The following PRPF4 variants were observed in gnomAD, a reference collection of about 807,000 sequenced individuals.
PRPF4 encodes U4/U6 small nuclear ribonucleoprotein Prp4.
PRPF4 carries 14 observed loss-of-function variants against 72.2 expected under a neutral mutation model. That is an observed-to-expected ratio of 0.19 (90% CI 0.13 to 0.30). PRPF4 has a LOEUF of 0.30. Among genes scored for constraint, PRPF4 ranks in the 10% least tolerant of loss-of-function variants. The pLI, the probability that PRPF4 is intolerant of heterozygous loss-of-function variation, is 1.00. For synonymous variants in PRPF4, 225 were observed against 232.2 expected (o/e 0.97, Z 0.28); for missense variants, 478 against 653.9 (o/e 0.73, Z 2.93).
At position 113,291,007 on chromosome 9, in the gene PRPF4, A is replaced by G; in HGVS notation, c.1363A>G (p.Lys455Glu). 6.2e-7 allele frequency: 1 copy of G among 1,612,900 alleles called. No individual in the cohort carries two copies. Among genetic ancestry groups the G allele is most frequent in the Non-Finnish European group, 8.5e-7 (1 of 1,178,852 alleles). The change falls in exon 13 of 14, where the codon AAG becomes GAG. Residue 455 changes from lysine (K) to glutamate (E), a missense_variant. Coordinates refer to ENST00000374198, the MANE Select transcript of PRPF4 (RefSeq NM_001244926.2). ...TCATCAGAACTTAGTGACTGGTGTC[A>G]AGTTTGAGCGTAAGCTTTCCTCCTA... is the stretch of plus-strand genomic sequence containing the variant. ...PAHQNLVTGV[K>E]FEPIHGNFLL...
chr9:113,284,498 C>T (rs928719064), intron 7 of PRPF4, 109 bp downstream of exon 7: 1 of 885,600 alleles, frequency 1.1e-6, no homozygotes, highest in African/African-American at 1.7e-5. Flanking sequence ...CTCTGCTTCT[C>T]ATGATCACAC....
At chr9:113,277,719 G>A (rs1350483432) in intron 2 of PRPF4, among the ~76,000 whole-genome samples, 1 of 151,756 alleles carries the variant, frequency 6.6e-6, no homozygotes, top group Non-Finnish European at 1.5e-5. Context: ...AGTAATAGTG[G>A]CCAAGCCTGG....
intron 10 of PRPF4, among the ~76,000 whole-genome samples, chr9:113,290,168 C>A (rs1053723373): frequency 1.3e-5 from 2 of 151,318 alleles, no homozygotes; most frequent in African/African-American, 4.9e-5. Flanking sequence ...TGCAGTGAGC[C>A]AAGATTGCGC....
intron 3 of PRPF4, among the ~76,000 whole-genome samples, chr9:113,281,556 A>G (rs1051978435): frequency 1.3e-5 from 2 of 152,262 alleles, no homozygotes; most frequent in South Asian, 4.1e-4. Context: ...TGAGCGTGGC[A>G]TTAGCAATTC....
rs764111959 is a variant in PRPF4 at position 113,276,677 on chromosome 9, G to A, written c.157G>A (p.Asp53Asn). ...AGGAGAGTCTGGGATTTTGGGGAAA[G>A]ACGGACTTAAAGCAGGGATCGAAGC... ...AKGESGILGKDGLKAGIEAGN... is the reference protein window; with the variant it reads ...AKGESGILGKNGLKAGIEAGN... The change falls in exon 2 of 14, where the codon GAC becomes AAC. Residue 53 changes from aspartate to asparagine, a missense_variant. By Grantham distance (23) the Asp-to-Asn change is conservative (BLOSUM62 1). Transcript: ENST00000374198. 1 of 1,614,072 alleles carries A rather than the reference G, an allele frequency of 6.2e-7. No homozygotes were observed. Among genetic ancestry groups the A allele is most frequent in the Admixed American group, 1.7e-5 (1 of 59,988 alleles).
At chr9:113,275,867 T>C in intron 1 of PRPF4, 97 bp downstream of exon 1, 2 of 1,522,290 alleles carry the variant, frequency 1.3e-6, no homozygotes, top group South Asian at 2.3e-5. Flanking sequence ...GAGAAGGCGG[T>C]GGAGGGCTGA....
At chr9:113,285,592 A>T (rs951663425) in intron 7 of PRPF4, among the ~76,000 whole-genome samples, 1 of 151,228 alleles carries the variant, frequency 6.6e-6, no homozygotes. Context: ...GTTAGCCAGG[A>T]TGGGCTCGAT....
chr9:113,291,856 C>CA lies in PRPF4; in HGVS notation c.*197dup, dbSNP rs774831354. 11 of 561,450 alleles carry CA rather than the reference C, an allele frequency of 2.0e-5. No individual in the cohort carries two copies. Among genetic ancestry groups the CA allele is most frequent in the Non-Finnish European group, 3.1e-5 (10 of 320,826 alleles). 34.8% of individuals were successfully genotyped at this position (561,450 alleles called of 1,614,324 possible). A position where few individuals can be genotyped will look rare whatever the true frequency, so the allele number is the denominator to read the frequency against. ...TCCCTAGGTGATGGGGAACCCCTCT[C>CA]ACGGTTGAAAATTTATTACCTTTTT... On this transcript the variant is annotated 3_prime_UTR_variant, in exon 14 of 14. Transcript: ENST00000374198.
chr9:113,276,436 C>A, intron 1 of PRPF4, 112 bp from the exon 2 acceptor site: 2 of 1,215,922 alleles, frequency 1.6e-6, no homozygotes, highest in Non-Finnish European at 2.4e-6. Context: ...TTTGTCCTTT[C>A]AATTACAGAG....
chr9:113,279,199 G>C, intron 3 of PRPF4, 68 bp downstream of exon 3: 1 of 1,396,412 alleles, frequency 7.2e-7, no homozygotes, highest in Non-Finnish European at 9.7e-7. Context: ...AATTTTGGTT[G>C]ATCATTTAGT....
chr9:113,283,584 G>A, intron 6 of PRPF4, 102 bp downstream of exon 6: 2 of 1,142,290 alleles, frequency 1.8e-6, no homozygotes, highest in Non-Finnish European at 2.5e-6. Context: ...CAACTAGAGT[G>A]ATTCCTCCCT....
At chr9:113,283,011 A>T in intron 4 of PRPF4, 121 bp from the exon 5 acceptor site, 1 of 1,534,558 alleles carries the variant, frequency 6.5e-7, no homozygotes, top group Non-Finnish European at 8.8e-7. Context: ...CCTCTGCCTG[A>T]TTTCATCCTA....
Position 113,290,917 on chromosome 9 carries a change from A to T in PRPF4, c.1273A>T (p.Ser425Cys), listed in dbSNP as rs762827998. Residue 425 changes from serine to cysteine, a missense_variant, in exon 13 of 14, where the codon AGT becomes TGT. Physicochemically the swap from Ser to Cys is moderately radical, Grantham distance 112 (BLOSUM62 -1). Transcript: ENST00000374198. ...CCACAGCTATCACATTGCAACCGGC[A>T]GTGGTGACAACACCTGCAAAGTGTG... ...SPNGYHIATG[S>C]GDNTCKVWDL... 1 of 1,614,212 alleles carries T rather than the reference A, an allele frequency of 6.2e-7. No homozygotes were observed. Among genetic ancestry groups the T allele is most frequent in the South Asian group, 1.1e-5 (1 of 91,090 alleles).
rs138098914 is a variant in PRPF4 at position 113,279,650 on chromosome 9, A to G, written c.392+519A>G. ...ATGATTTACCCACCTTGGCCTCCCA[A>G]AGTGCTGGGATTACAAGCGTGAGCC... On this transcript the variant is annotated intron_variant, in intron 3 of 13. Coordinates refer to ENST00000374198, the MANE Select transcript of PRPF4 (RefSeq NM_001244926.2). Among the ~76,000 whole-genome samples, 58 of 152,216 alleles carry G rather than the reference A, an allele frequency of 3.8e-4. 1 individual carries two copies. The East Asian group carries it at 0.011, about 29-fold the overall frequency.
intron 9 of PRPF4, 102 bp from the exon 10 acceptor site, chr9:113,288,073 C>A: frequency 9.7e-7 from 1 of 1,032,764 alleles, no homozygotes; most frequent in South Asian, 1.6e-5. Flanking sequence ...TACAATTTAG[C>A]CTCTCGTGTT....
intron 1 of PRPF4, among the ~76,000 whole-genome samples, chr9:113,276,228 C>G (rs16931988): frequency 6.6e-6 from 1 of 152,106 alleles, no homozygotes; most frequent in South Asian, 2.1e-4. Flanking sequence ...AAGCAGTAAT[C>G]CGGGAAGCAT....
At chr9:113,284,179 T>C in intron 6 of PRPF4, 116 bp from the exon 7 acceptor site, 1 of 698,810 alleles carries the variant, frequency 1.4e-6, no homozygotes, top group Non-Finnish European at 2.4e-6. Context: ...AGAAGAATCT[T>C]GGGATGGGTT....
Position 113,285,580 on chromosome 9 carries a change from G to A in PRPF4, c.750-652G>A, listed in dbSNP as rs566428044. Among the ~76,000 whole-genome samples the A allele has an allele frequency of 4.6e-4, 70 of 151,308 alleles. No homozygotes were observed. The East Asian group carries it at 9.2e-3, about 20-fold the overall frequency. ...TTTTTAGTAGAGACAGGGTTTCACC[G>A]TGTTAGCCAGGATGGGCTCGATCTC... On this transcript the variant is annotated intron_variant, in intron 7 of 13. Transcript: ENST00000374198.
Position 113,283,159 on chromosome 9 carries a change from C to T in PRPF4, c.508C>T (p.Pro170Ser). ...TCAGCAAACCTGGTATCATGAAGGA[C>T]CAAATAGCTTGAAGGTGGCAAGACT... ...EYQQTWYHEG[P>S]NSLKVARLWI... Residue 170 changes from proline (P) to serine (S), a missense_variant, in exon 5 of 14, where the codon CCA becomes TCA. Transcript: ENST00000374198. The T allele has an allele frequency of 6.2e-7, 1 of 1,614,196 alleles. No individual in the cohort carries two copies. The highest frequency in any genetic ancestry group is 2.2e-5 in the East Asian group (1 of 44,882).
Sources: allele counts gnomAD v4.1 joint callset (sites outside exome capture counted in the v4.1 genomes callset), GRCh38; gene constraint gnomAD v4.1.1; transcripts MANE v1.5; gene names NCBI Gene and HGNC (gene_info 2026-07-23, HGNC 2026-07-21).